SBF2: variants seen among roughly 807,000 people sequenced by gnomAD.
SBF2 encodes SET binding factor 2.
Under a neutral mutation model 225.2 loss-of-function variants are expected in SBF2, and 112 were observed. That is an observed-to-expected ratio of 0.50 (90% CI 0.43 to 0.58). The LOEUF (loss-of-function observed/expected upper bound fraction) is 0.58. Among genes scored for constraint, SBF2 ranks in the 20% least tolerant of loss-of-function variants. The pLI is 0.00. For synonymous variants in SBF2, 763 were observed against 773.3 expected, an observed-to-expected ratio of 0.99 and a Z score of 0.22; for missense variants, 1,996 against 2,206.2, an observed-to-expected ratio of 0.90 and a Z score of 1.91.
chr11:9,904,299 A>G (rs1417824206), intron 16 of SBF2, among the ~76,000 whole-genome samples: 1 of 152,220 alleles, frequency 6.6e-6, no homozygotes, highest in Non-Finnish European at 1.5e-5. Context: ...TGGGGTAGCT[A>G]TATTAATAAT....
chr11:10,291,210 G>C (rs560351669), intron 1 of SBF2, among the ~76,000 whole-genome samples: 11 of 152,318 alleles, frequency 7.2e-5, no homozygotes, highest in Non-Finnish European at 1.5e-4. Context: ...ATGGTATTAT[G>C]AGGTGAGGCC....
Position 10,244,749 on chromosome 11 carries a change from G to T in SBF2, c.55+49266C>A, listed in dbSNP as rs890630246. Among the ~76,000 whole-genome samples the T allele has an allele frequency of 3.3e-5, 5 of 152,164 alleles. No individual in the cohort carries two copies. The South Asian group carries it at 6.2e-4, about 19-fold the overall frequency. On this transcript the variant is annotated intron_variant, in intron 1 of 39. Transcript: ENST00000256190. ...AAACACAAAGGCAACCTATGGAAGA[G>T]AGAAAATACCTGCAAACTATACAAC...
chr11:10,274,216 C>A (rs540163858), intron 1 of SBF2, among the ~76,000 whole-genome samples: 1 of 152,170 alleles, frequency 6.6e-6, no homozygotes, highest in African/African-American at 2.4e-5. Context: ...CAATCCTTCC[C>A]ATACAGAGGC....
At chr11:9,908,583 C>T (rs1047469097) in intron 16 of SBF2, among the ~76,000 whole-genome samples, 3 of 152,162 alleles carry the variant, frequency 2.0e-5, no homozygotes, top group African/African-American at 7.2e-5. Context: ...GCCGAGATCA[C>T]GCTACTGCAC....
At chr11:10,124,035 C>T (rs548896874) in intron 2 of SBF2, among the ~76,000 whole-genome samples, 1 of 152,290 alleles carries the variant, frequency 6.6e-6, no homozygotes, top group East Asian at 1.9e-4. Flanking sequence ...ATGGTTTGGC[C>T]AACCTGATAG....
At chr11:9,964,167 T>G (rs1217173943) in intron 14 of SBF2, among the ~76,000 whole-genome samples, 1 of 152,200 alleles carries the variant, frequency 6.6e-6, no homozygotes, top group Non-Finnish European at 1.5e-5. Flanking sequence ...GAGGATCACT[T>G]GAGCCCAGGA....
chr11:10,084,097 T>G (rs1951464517), intron 2 of SBF2, among the ~76,000 whole-genome samples: 1 of 152,136 alleles, frequency 6.6e-6, no homozygotes, highest in Non-Finnish European at 1.5e-5. Flanking sequence ...TTGCAAAGTA[T>G]CTATCCAACA....
Position 9,830,770 on chromosome 11 carries a change from C to CA in SBF2, c.3653-1275dup, listed in dbSNP as rs1206347819. Among the ~76,000 whole-genome samples the CA allele has an allele frequency of 4.0e-3, 554 of 137,552 alleles. 6 individuals are homozygous for CA. The highest frequency in any genetic ancestry group is 0.014 in the African/African-American group (511 of 35,614). The allele number at this position is 137,552 out of a possible 152,430, so 90.2% of individuals were successfully genotyped here. ...CAAAAAAAAAAAAACAAAAACAAAA[C>CA]AAAACAAAAAACAAAAAACAAAAAA... On this transcript the variant is annotated intron_variant, in intron 27 of 39. Transcript: ENST00000256190.
At chr11:9,859,740 C>G (rs1478280794) in intron 17 of SBF2, among the ~76,000 whole-genome samples, 1 of 152,184 alleles carries the variant, frequency 6.6e-6, no homozygotes, top group Non-Finnish European at 1.5e-5. Flanking sequence ...GTAAAAATTA[C>G]ACGCTCAATA....
At chr11:10,022,724 A>G (rs1201929994) in intron 6 of SBF2, among the ~76,000 whole-genome samples, 1 of 152,052 alleles carries the variant, frequency 6.6e-6, no homozygotes, top group Non-Finnish European at 1.5e-5. Context: ...CGTAGACACT[A>G]TAGTTTAGTC....
chr11:10,241,848 A>G (rs1218013686), intron 1 of SBF2, among the ~76,000 whole-genome samples: 2 of 152,002 alleles, frequency 1.3e-5, no homozygotes, highest in Non-Finnish European at 2.9e-5. Flanking sequence ...AACTCCAGAA[A>G]TCAGCCTTCA....
At chr11:9,811,073 A>C (rs1300392623) in intron 30 of SBF2, 2 of 152,254 alleles carry the variant, frequency 1.3e-5, no homozygotes, top group East Asian at 3.8e-4. Context: ...ACACAGCTGA[A>C]GCAAACTAAC....
chr11:9,805,219 C>G lies in SBF2; in HGVS notation c.4443+2781G>C, dbSNP rs191837261. ...CGAGATCACACCACTACACTCCAAC[C>G]TAGGTGACAGAGTGAGACTCTGTCT... On this transcript the variant is annotated intron_variant, in intron 32 of 39. Transcript: ENST00000256190. Among the ~76,000 whole-genome samples the G allele has an allele frequency of 3.9e-4, 59 of 150,578 alleles. No individual in the cohort carries two copies. The East Asian group carries it at 7.0e-3, about 18-fold the overall frequency.
intron 1 of SBF2, among the ~76,000 whole-genome samples, chr11:10,214,972 C>A (rs964049176): frequency 6.6e-5 from 10 of 152,182 alleles, no homozygotes; most frequent in Non-Finnish European, 1.5e-4. Flanking sequence ...AGAAACAACT[C>A]CTAGCCCACA....
intron 32 of SBF2, among the ~76,000 whole-genome samples, chr11:9,797,425 T>A (rs1301185085): frequency 6.6e-6 from 1 of 152,208 alleles, no homozygotes; most frequent in Non-Finnish European, 1.5e-5. Context: ...AAAAAAGAGT[T>A]TGACTCCTAT....
chr11:10,118,386 T>C (rs559909577), intron 2 of SBF2, among the ~76,000 whole-genome samples: 2 of 152,190 alleles, frequency 1.3e-5, no homozygotes, highest in East Asian at 1.9e-4. Flanking sequence ...TCCATAAGCA[T>C]ACATATATGT....
chr11:9,865,688 C>CAA (rs1174863548), intron 17 of SBF2, among the ~76,000 whole-genome samples: 995 of 14,824 alleles, frequency 0.067, 273 homozygotes, highest in East Asian at 0.31. Context: ...AAAACTGTCT[C>CAA]AAAAAAAAAA....
intron 1 of SBF2, among the ~76,000 whole-genome samples, chr11:10,238,219 G>C (rs905839252): frequency 6.6e-6 from 1 of 152,100 alleles, no homozygotes; most frequent in African/African-American, 2.4e-5. Context: ...GATCAGCCTG[G>C]GCAACATGGT....
intron 1 of SBF2, among the ~76,000 whole-genome samples, chr11:10,241,519 G>T (rs1213541710): frequency 6.6e-6 from 1 of 151,882 alleles, no homozygotes; most frequent in African/African-American, 2.4e-5. Context: ...AAAGCTAAAA[G>T]TTGGTTGTTA....
Sources: gnomAD v4.1 joint callset for allele counts (sites outside exome capture counted in the v4.1 genomes callset) on GRCh38, gnomAD v4.1.1 for gene constraint, MANE v1.5 for transcripts, NCBI Gene and HGNC (gene_info 2026-07-23, HGNC 2026-07-21) for gene names.